RNF220: variants seen among roughly 807,000 people sequenced by gnomAD.
RNF220 encodes the protein E3 ubiquitin-protein ligase RNF220.
A neutral mutation model predicts 67.1 loss-of-function variants in RNF220; 7 were observed. That is an observed-to-expected ratio of 0.10 (90% CI 0.06 to 0.20). The LOEUF (loss-of-function observed/expected upper bound fraction) is 0.20. Among genes scored for constraint, RNF220 ranks in the 10% least tolerant of loss-of-function variants. RNF220 has a pLI of 1.00. For synonymous variants in RNF220, 270 were observed against 283.2 expected (o/e 0.95, Z 0.47); for missense variants, 565 against 740.3 (o/e 0.76, Z 2.75).
At chr1:44,561,793 T>C (rs1663592825) in intron 2 of RNF220, among the ~76,000 whole-genome samples, 1 of 152,158 alleles carries the variant, frequency 6.6e-6, no homozygotes. Flanking sequence ...GGTGCACACC[T>C]GTAATCCTAG....
chr1:44,640,437 G>C (rs1381708456), intron 8 of RNF220, among the ~76,000 whole-genome samples: 2 of 152,236 alleles, frequency 1.3e-5, no homozygotes, highest in Non-Finnish European at 1.5e-5. Flanking sequence ...AAGGAGCAAG[G>C]CACCTTCTGT....
intron 2 of RNF220, among the ~76,000 whole-genome samples, chr1:44,445,755 T>G (rs1652014180): frequency 6.6e-6 from 1 of 152,204 alleles, no homozygotes; most frequent in South Asian, 2.1e-4. Flanking sequence ...AAACACACTG[T>G]CTTTATTTCT....
At chr1:44,474,882 A>T (rs1235800101) in intron 2 of RNF220, among the ~76,000 whole-genome samples, 1 of 152,168 alleles carries the variant, frequency 6.6e-6, no homozygotes, top group East Asian at 1.9e-4. Context: ...TATATAAGGG[A>T]ATTGAGCATC....
In RNF220 at chr1:44,429,510, AATG is replaced by A. The variant is rs1457630342; in HGVS notation, c.625+16791_625+16793del. Among the ~76,000 whole-genome samples the A allele has an allele frequency of 3.4e-4, 52 of 152,314 alleles. 1 individual carries two copies. The highest frequency in any genetic ancestry group is 1.2e-3 in the African/African-American group (51 of 41,554). On this transcript the variant is annotated intron_variant, in intron 2 of 14. Transcript: ENST00000361799. ...GTAAGGGACATTTGTGAGCACGAAG[AATG>A]ATATTAGAGAAGTGAGAAGGGGAGT...
chr1:44,495,185 C>CCT (rs1277523887), intron 2 of RNF220, among the ~76,000 whole-genome samples: 1 of 151,894 alleles, frequency 6.6e-6, no homozygotes, highest in Non-Finnish European at 1.5e-5. Context: ...TGCACTCCAA[C>CCT]CTGGACAACA....
At chr1:44,637,159 G>A (rs115028145) in intron 8 of RNF220, among the ~76,000 whole-genome samples, 31 of 152,358 alleles carry the variant, frequency 2.0e-4, no homozygotes, top group African/African-American at 6.7e-4. Flanking sequence ...TCGTGGGGCC[G>A]TGCTACCTGG....
chr1:44,497,546 T>G (rs1388131897), intron 2 of RNF220, among the ~76,000 whole-genome samples: 1 of 152,192 alleles, frequency 6.6e-6, no homozygotes, highest in Non-Finnish European at 1.5e-5. Context: ...CATCCGCCTG[T>G]GGGTGACAAT....
At chr1:44,448,789 A>G (rs1324243950) in intron 2 of RNF220, among the ~76,000 whole-genome samples, 2 of 152,224 alleles carry the variant, frequency 1.3e-5, no homozygotes, top group African/African-American at 4.8e-5. Context: ...AATTCAAAAT[A>G]CCGGATTACA....
chr1:44,428,437 T>C (rs942736015), intron 2 of RNF220, among the ~76,000 whole-genome samples: 7 of 152,194 alleles, frequency 4.6e-5, no homozygotes, highest in African/African-American at 1.7e-4. Context: ...ACTTACATAA[T>C]GCTTAAGACT....
chr1:44,457,019 T>G (rs1309066687), intron 2 of RNF220, among the ~76,000 whole-genome samples: 2 of 152,088 alleles, frequency 1.3e-5, no homozygotes, highest in Non-Finnish European at 2.9e-5. Flanking sequence ...CCGCCAGTCT[T>G]GCCCAGTTAC....
At chr1:44,462,175 C>T (rs1328153645) in intron 2 of RNF220, among the ~76,000 whole-genome samples, 3 of 151,824 alleles carry the variant, frequency 2.0e-5, no homozygotes, top group East Asian at 1.9e-4. Context: ...TCAAGTGATC[C>T]GCCCGCCTCG....
intron 1 of RNF220, among the ~76,000 whole-genome samples, chr1:44,406,023 C>T (rs1055758789): frequency 2.0e-5 from 3 of 152,202 alleles, no homozygotes; most frequent in Non-Finnish European, 4.4e-5. Context: ...GCGTTGATTT[C>T]CGGCGAGGCC....
chr1:44,538,899 G>A (rs1273159153), intron 2 of RNF220, among the ~76,000 whole-genome samples: 1 of 127,648 alleles, frequency 7.8e-6, no homozygotes, highest in Admixed American at 9.0e-5. Flanking sequence ...CTGGGCGACA[G>A]AGTGAGACTC....
chr1:44,590,706 G>C (rs1572973554), intron 2 of RNF220, among the ~76,000 whole-genome samples: 1 of 152,290 alleles, frequency 6.6e-6, no homozygotes, highest in East Asian at 1.9e-4. Flanking sequence ...AGGAAGCGGG[G>C]GGGCCAGGGA....
At chr1:44,558,663 T>C (rs1400534298) in intron 2 of RNF220, among the ~76,000 whole-genome samples, 3 of 152,090 alleles carry the variant, frequency 2.0e-5, no homozygotes, top group African/African-American at 7.2e-5. Context: ...TTAAACAACC[T>C]CCCCCAAGAT....
intron 6 of RNF220, chr1:44,632,657 A>G: frequency 1.8e-6 from 1 of 570,956 alleles, no homozygotes; most frequent in Non-Finnish European, 3.1e-6. Context: ...ATGAGGAACG[A>G]GCTACACAAT....
rs959402353 is a variant in RNF220 at position 44,645,540 on chromosome 1, G to A, written c.1445+52G>A. 2.5e-6 allele frequency: 4 copies of A among 1,577,300 alleles called. No homozygotes were observed. Among genetic ancestry groups the A allele is most frequent in the Non-Finnish European group, 3.5e-6 (4 of 1,151,694 alleles). On this transcript the variant is annotated intron_variant, in intron 12 of 14. Coordinates refer to ENST00000361799, the MANE Select transcript of RNF220 (RefSeq NM_018150.4). The surrounding 1 kb of genome is among the most constrained non-coding windows in gnomAD (Gnocchi z 5.0). Reference sequence around the variant, plus strand: ...TGGGACCACAGTTCAGTGGGAGGAGGGGCCCTTTGCTAGCAGGAAGGCCTG... The same window carrying A: ...TGGGACCACAGTTCAGTGGGAGGAGAGGCCCTTTGCTAGCAGGAAGGCCTG...
chr1:44,618,702 G>T (rs1452114305), intron 3 of RNF220, among the ~76,000 whole-genome samples: 1 of 152,166 alleles, frequency 6.6e-6, no homozygotes, highest in Non-Finnish European at 1.5e-5. Context: ...AGACAAGTGG[G>T]AGGGGCATGG....
chr1:44,531,198 A>T (rs917531413), intron 2 of RNF220, among the ~76,000 whole-genome samples: 5 of 152,172 alleles, frequency 3.3e-5, no homozygotes, highest in Non-Finnish European at 7.3e-5. Context: ...GTAATCCTCA[A>T]GGTAAATCCG....
Sources: allele counts gnomAD v4.1 joint callset (sites outside exome capture counted in the v4.1 genomes callset), GRCh38; gene constraint gnomAD v4.1.1; non-coding constraint Gnocchi (gnomAD v3.1); transcripts MANE v1.5; gene names NCBI Gene and HGNC (gene_info 2026-07-23, HGNC 2026-07-21).